Variants in PPP4R4 observed in about 807,000 individuals in gnomAD.
PPP4R4 encodes protein phosphatase 4 regulatory subunit 4, also known as serine/threonine-protein phosphatase 4 regulatory subunit 4.
A neutral mutation model predicts 121.8 loss-of-function variants in PPP4R4; 70 were observed. That is an observed-to-expected ratio of 0.57 (90% confidence interval 0.47 to 0.70). The LOEUF (loss-of-function observed/expected upper bound fraction) is 0.70. Among genes scored for constraint, PPP4R4 ranks in the 30% least tolerant of loss-of-function variants. The pLI, the probability that PPP4R4 is intolerant of heterozygous loss-of-function variation, is 0.00. For synonymous variants in PPP4R4, 348 were observed against 355.7 expected (o/e 0.98, Z 0.24); for missense variants, 875 against 1,033.6 (o/e 0.85, Z 2.10).
At chr14:94,202,498 C>G (rs1430150486) in intron 2 of PPP4R4, among the ~76,000 whole-genome samples, 1 of 152,110 alleles carries the variant, frequency 6.6e-6, no homozygotes, top group Non-Finnish European at 1.5e-5. Context: ...CTTTCTTTCA[C>G]CATTAAGTAT....
chr14:94,218,341 C>CACACAT (rs1218737066), intron 3 of PPP4R4, among the ~76,000 whole-genome samples: 2 of 151,050 alleles, frequency 1.3e-5, no homozygotes, highest in Non-Finnish European at 3.0e-5. Flanking sequence ...CGCACACACA[C>CACACAT]ACACATACAC....
intron 2 of PPP4R4, among the ~76,000 whole-genome samples, chr14:94,207,366 G>A (rs1479761977): frequency 6.6e-6 from 1 of 151,948 alleles, no homozygotes; most frequent in Non-Finnish European, 1.5e-5. Flanking sequence ...TGATTATGAT[G>A]TCCTGTATTT....
intron 2 of PPP4R4, among the ~76,000 whole-genome samples, chr14:94,200,800 TTTGTA>T (rs1420965732): frequency 8.9e-6 from 1 of 112,940 alleles, no homozygotes. Context: ...TCACTTATCT[TTTGTA>T]TTTTTTTTTT....
chr14:94,252,158 A>G (rs547581691), intron 16 of PPP4R4, among the ~76,000 whole-genome samples: 27 of 152,278 alleles, frequency 1.8e-4, no homozygotes, highest in South Asian at 6.2e-4. Context: ...GGCCATTTGG[A>G]TATACACATT....
intron 3 of PPP4R4, among the ~76,000 whole-genome samples, chr14:94,214,597 T>C (rs1041041386): frequency 8.5e-5 from 13 of 152,106 alleles, no homozygotes. Context: ...ATTTTATGTC[T>C]CCTGTATATG....
chr14:94,274,290 G>A (rs1388624536), intron 23 of PPP4R4, among the ~76,000 whole-genome samples: 2 of 151,722 alleles, frequency 1.3e-5, no homozygotes, highest in Non-Finnish European at 2.9e-5. Flanking sequence ...CAACACACTG[G>A]ACTTAATCAA....
intron 16 of PPP4R4, among the ~76,000 whole-genome samples, chr14:94,252,644 C>A (rs373207364): frequency 6.6e-6 from 1 of 152,096 alleles, no homozygotes; most frequent in Non-Finnish European, 1.5e-5. Flanking sequence ...GAATGTTAAA[C>A]CCTCAGCCAT....
At chr14:94,221,925 C>G (rs1373293445) in intron 3 of PPP4R4, among the ~76,000 whole-genome samples, 1 of 152,004 alleles carries the variant, frequency 6.6e-6, no homozygotes, top group African/African-American at 2.4e-5. Flanking sequence ...CTTGTTATAG[C>G]TAAAACTGGA....
chr14:94,204,171 C>T (rs192402970), intron 2 of PPP4R4, among the ~76,000 whole-genome samples: 2 of 152,236 alleles, frequency 1.3e-5, no homozygotes, highest in Admixed American at 6.5e-5. Flanking sequence ...ATGTTTCACA[C>T]TTGATCTTAG....
At position 94,178,051 on chromosome 14, in the gene PPP4R4, C is replaced by T. The variant is rs547193087; in HGVS notation, c.191+1924C>T. ...CCTCCTGGGGGAATGTGGGATTTCA[C>T]CTTAGTCCAGCTTTGGGAGGGATGA... is the stretch of plus-strand genomic sequence containing the variant. On this transcript the variant is annotated intron_variant, in intron 2 of 24. Coordinates refer to ENST00000304338, the MANE Select transcript of PPP4R4 (RefSeq NM_058237.2). Among the ~76,000 whole-genome samples the T allele has an allele frequency of 1.4e-4, 21 of 152,248 alleles. No homozygotes were observed. The South Asian group carries it at 2.9e-3, about 21-fold the overall frequency.
chr14:94,241,684 T>C, intron 9 of PPP4R4, 104 bp from the exon 10 acceptor site: 3 of 820,536 alleles, frequency 3.7e-6, no homozygotes, highest in Non-Finnish European at 5.6e-6. Flanking sequence ...TAACCATTTA[T>C]TTAAGTATTT....
intron 2 of PPP4R4, among the ~76,000 whole-genome samples, chr14:94,176,911 T>C (rs886687955): frequency 2.6e-5 from 4 of 152,152 alleles, no homozygotes; most frequent in Non-Finnish European, 5.9e-5. Context: ...TCTTTTTTTT[T>C]CCAGAATCAG....
intron 2 of PPP4R4, among the ~76,000 whole-genome samples, chr14:94,194,071 GT>G (rs1430602553): frequency 6.6e-6 from 1 of 152,166 alleles, no homozygotes; most frequent in African/African-American, 2.4e-5. Flanking sequence ...GGATTGACTT[GT>G]TTTTCATTGG....
chr14:94,247,302 C>T (rs1051173554), intron 14 of PPP4R4, among the ~76,000 whole-genome samples: 1 of 152,232 alleles, frequency 6.6e-6, no homozygotes, highest in African/African-American at 2.4e-5. Context: ...GTCAGGCCTG[C>T]CTCTGGGGCA....
At chr14:94,246,602 C>A in intron 14 of PPP4R4, 63 bp downstream of exon 14, 1 of 1,461,312 alleles carries the variant, frequency 6.8e-7, no homozygotes, top group Non-Finnish European at 9.3e-7. Flanking sequence ...ATTACCAAAA[C>A]TCTTCATATT....
intron 3 of PPP4R4, among the ~76,000 whole-genome samples, chr14:94,212,710 A>T (rs1000281299): frequency 5.9e-5 from 9 of 152,056 alleles, no homozygotes; most frequent in African/African-American, 1.9e-4. Context: ...GAAATCTTAG[A>T]TGTTTGTTAG....
intron 3 of PPP4R4, among the ~76,000 whole-genome samples, chr14:94,229,786 A>G (rs1332066920): frequency 1.3e-5 from 2 of 152,176 alleles, no homozygotes; most frequent in Admixed American, 6.5e-5. Flanking sequence ...CATTATTGCC[A>G]TAATTGAGCA....
intron 10 of PPP4R4, 152 bp from the exon 11 acceptor site, chr14:94,242,137 T>C: frequency 8.7e-7 from 1 of 1,148,458 alleles, no homozygotes; most frequent in Non-Finnish European, 1.2e-6. Context: ...ATCAGAATAA[T>C]AGACACATAT....
chr14:94,194,611 GT>G (rs1039769815), intron 2 of PPP4R4, among the ~76,000 whole-genome samples: 1 of 151,840 alleles, frequency 6.6e-6, no homozygotes. Context: ...ACACATACTT[GT>G]TTTTTTTGTT....
Sources: allele counts gnomAD v4.1 joint callset (sites outside exome capture counted in the v4.1 genomes callset), GRCh38; gene constraint gnomAD v4.1.1; transcripts MANE v1.5; gene names NCBI Gene and HGNC (gene_info 2026-07-23, HGNC 2026-07-21).